Variants in PDZD2 observed in about 807,000 individuals in gnomAD.
PDZD2 encodes PDZ domain-containing protein 2.
Under a neutral mutation model 220.7 loss-of-function variants are expected in PDZD2, and 90 were observed. The ratio of observed to expected loss-of-function variants is 0.41; its 90% CI spans 0.34 to 0.49. The LOEUF is 0.49. Among genes scored for constraint, PDZD2 ranks in the 20% least tolerant of loss-of-function variants. PDZD2 has a pLI of 0.28. For synonymous variants in PDZD2, 1,375 were observed against 1,450.5 expected, an observed-to-expected ratio of 0.95 and a Z score of 1.18; for missense variants, 3,174 against 3,608.5, an observed-to-expected ratio of 0.88 and a Z score of 3.08.
chr5:31,807,514 C>T (rs1355276655), intron 2 of PDZD2, among the ~76,000 whole-genome samples: 1 of 152,216 alleles, frequency 6.6e-6, no homozygotes. Context: ...GGACCCAGAG[C>T]ACAGCATGCA....
intron 1 of PDZD2, among the ~76,000 whole-genome samples, chr5:31,660,370 G>C (rs1445695920): frequency 6.6e-6 from 1 of 151,844 alleles, no homozygotes; most frequent in African/African-American, 2.4e-5. Context: ...TTAGAGATGG[G>C]GTCTGTGTTA....
chr5:32,109,595 GA>G lies in PDZD2; in HGVS notation c.*1463del, dbSNP rs1745178495. 1.3e-5 allele frequency: 2 copies of G among 152,260 alleles called. No individual in the cohort carries two copies. The highest frequency in any genetic ancestry group is 4.8e-5 in the African/African-American group (2 of 41,446). 9.4% of individuals were successfully genotyped at this position (152,260 alleles called of 1,614,324 possible). A position where few individuals can be genotyped will look rare whatever the true frequency, so the allele number is the denominator to read the frequency against. ...CAGGGTGAGTCAAGGTAAAGGAGCA[GA>G]AATGTAGTTACAAGCCAGGTCGTCT... On this transcript the variant is annotated 3_prime_UTR_variant, in exon 25 of 25. Transcript: ENST00000438447.
At chr5:32,091,473 C>T (rs976026242) in intron 20 of PDZD2, among the ~76,000 whole-genome samples, 3 of 151,582 alleles carry the variant, frequency 2.0e-5, no homozygotes, top group African/African-American at 4.8e-5. Context: ...TTAATAGAGA[C>T]GGGGTTTCAC....
chr5:31,971,848 C>T (rs536927615), intron 2 of PDZD2, among the ~76,000 whole-genome samples: 51 of 152,304 alleles, frequency 3.3e-4, no homozygotes, highest in African/African-American at 1.0e-3. Context: ...CCTCTCCTAA[C>T]TTAACTCCTA....
intron 1 of PDZD2, among the ~76,000 whole-genome samples, chr5:31,739,443 A>G (rs1330155797): frequency 6.6e-6 from 1 of 152,228 alleles, no homozygotes; most frequent in East Asian, 1.9e-4. Context: ...CATTTGTTGT[A>G]GTATTATATA....
chr5:31,889,324 T>C (rs1169641308), intron 2 of PDZD2, among the ~76,000 whole-genome samples: 1 of 152,176 alleles, frequency 6.6e-6, no homozygotes, highest in Non-Finnish European at 1.5e-5. Flanking sequence ...GGAGCTTCTG[T>C]TTCGGCCTTT....
chr5:31,769,093 T>C (rs1752196910), intron 1 of PDZD2, among the ~76,000 whole-genome samples: 2 of 152,128 alleles, frequency 1.3e-5, no homozygotes. Flanking sequence ...ACGCTGGAGA[T>C]CCACATCCCT....
intron 1 of PDZD2, among the ~76,000 whole-genome samples, chr5:31,728,355 C>T (rs938601540): frequency 6.6e-6 from 1 of 152,052 alleles, no homozygotes; most frequent in East Asian, 1.9e-4. Flanking sequence ...TTTTTCTCTA[C>T]TTACATGTAT....
At position 31,758,781 on chromosome 5, in the gene PDZD2, G is replaced by C. The variant is rs1382394702; in HGVS notation, c.-360-40108G>C. 2.0e-5 allele frequency among the ~76,000 whole-genome samples: 3 copies of C among 152,240 alleles called. No individual in the cohort carries two copies. In the South Asian group the frequency reaches 6.2e-4, roughly 32 times the overall value. ...TTTGAAGGGTGGAGAAAGCACCCCA[G>C]GTGGGTAGATGTGTCCATTTCAGAA... On this transcript the variant is annotated intron_variant, in intron 1 of 24. Coordinates refer to ENST00000438447, the MANE Select transcript of PDZD2 (RefSeq NM_178140.4).
At chr5:31,795,441 T>G (rs1372873081) in intron 1 of PDZD2, among the ~76,000 whole-genome samples, 1 of 152,246 alleles carries the variant, frequency 6.6e-6, no homozygotes, top group Admixed American at 6.5e-5. Flanking sequence ...TCACAGCTAT[T>G]TGCTTGAGAT....
rs138196165 is a variant in PDZD2 at position 31,864,899 on chromosome 5, T to A, written c.476+65175T>A. Among the ~76,000 whole-genome samples the A allele has an allele frequency of 4.0e-3, 560 of 141,400 alleles. 4 individuals are homozygous for A. The highest frequency in any genetic ancestry group is 0.014 in the African/African-American group (520 of 37,514). The allele number at this position is 141,400 out of a possible 152,430, so 92.8% of individuals were successfully genotyped here. On this transcript the variant is annotated intron_variant, in intron 2 of 24. Transcript: ENST00000438447. ...AGTCTCGCTCTGTCGCCCAGGCTAG[T>A]GTGCAGTGGCGTAATCTCGGCTCAC...
intron 2 of PDZD2, among the ~76,000 whole-genome samples, chr5:31,925,100 G>A (rs564308782): frequency 4.6e-5 from 7 of 152,344 alleles, no homozygotes; most frequent in African/African-American, 1.4e-4. Context: ...TGCAATGACC[G>A]GCAGGAGGGC....
intron 1 of PDZD2, among the ~76,000 whole-genome samples, chr5:31,692,580 C>T (rs1747187981): frequency 6.6e-6 from 1 of 152,264 alleles, no homozygotes; most frequent in Non-Finnish European, 1.5e-5. Context: ...TCCCCTGCTT[C>T]CCTAGCTCTG....
In PDZD2 at chr5:32,053,838, AT is replaced by A; in HGVS notation, c.1856del (p.Ile619ThrfsTer20). The A allele has an allele frequency of 6.2e-7, 1 of 1,612,824 alleles. No homozygotes were observed. The highest frequency in any genetic ancestry group is 8.5e-7 in the Non-Finnish European group (1 of 1,178,812). On this transcript the variant is annotated frameshift_variant, in exon 10 of 25. Coordinates refer to ENST00000438447, the MANE Select transcript of PDZD2 (RefSeq NM_178140.4). LOFTEE classifies it high-confidence loss of function. ...RGQMGIFVKT[I>X]FPNGSAAEDG... Reference sequence around the variant, plus strand: ...ACAGATGGGGATTTTTGTCAAGACCATCTTCCCAAATGGATCAGCTGCAGAG... The same window carrying A: ...ACAGATGGGGATTTTTGTCAAGACCACTTCCCAAATGGATCAGCTGCAGAG...
At chr5:32,105,695 ATG>A (rs1328975521) in intron 24 of PDZD2, among the ~76,000 whole-genome samples, 1 of 152,248 alleles carries the variant, frequency 6.6e-6, no homozygotes, top group African/African-American at 2.4e-5. Flanking sequence ...GAACCTAAGA[ATG>A]TGTTCAACAA....
chr5:31,891,791 G>C (rs1007844485), intron 2 of PDZD2, among the ~76,000 whole-genome samples: 14 of 152,216 alleles, frequency 9.2e-5, no homozygotes, highest in African/African-American at 2.4e-4. Flanking sequence ...CCTGTGCCCA[G>C]ATCATGCCAG....
At chr5:31,801,802 G>A (rs1754406893) in intron 2 of PDZD2, among the ~76,000 whole-genome samples, 1 of 152,152 alleles carries the variant, frequency 6.6e-6, no homozygotes, top group South Asian at 2.1e-4. Flanking sequence ...GTAAGTAGTA[G>A]TCTATATGTA....
intron 1 of PDZD2, among the ~76,000 whole-genome samples, chr5:31,745,097 T>TAAAA (rs1750515139): frequency 6.6e-6 from 1 of 151,906 alleles, no homozygotes; most frequent in Non-Finnish European, 1.5e-5. Flanking sequence ...AATAAATAAA[T>TAAAA]AAAATAAAAA....
In PDZD2 at chr5:32,100,987, T is replaced by C. The variant is rs374375437; in HGVS notation, c.8219-118T>C. ...AAGTAAGTAAGTGCCCCAGGGTAGA[T>C]GGGACTTGAGTGTGCCAGAAGTACA... On this transcript the variant is annotated intron_variant, in intron 23 of 24. Transcript: ENST00000438447. 228 of 1,596,684 alleles carry C rather than the reference T, an allele frequency of 1.4e-4. No individual in the cohort carries two copies. In the African/African-American group the frequency reaches 2.9e-3, roughly 20 times the overall value.
Sources: gnomAD v4.1 joint callset for allele counts (sites outside exome capture counted in the v4.1 genomes callset) on GRCh38, gnomAD v4.1.1 for gene constraint, MANE v1.5 for transcripts, NCBI Gene and HGNC (gene_info 2026-07-23, HGNC 2026-07-21) for gene names.